Variants in MCM10 observed in about 807,000 individuals in gnomAD.
MCM10 encodes minichromosome maintenance 10 replication initiation factor, also known as protein MCM10 homolog.
A neutral mutation model predicts 109.9 loss-of-function variants in MCM10; 91 were observed. The ratio of observed to expected loss-of-function variants is 0.83; its 90% confidence interval spans 0.70 to 0.99. The LOEUF is 0.99. MCM10 is among the 50% of genes least tolerant of loss of function. The probability of loss-of-function intolerance (pLI) is 0.00; values close to 1 mark genes in which losing one functional copy is unlikely to be tolerated. For synonymous variants in MCM10, 380 were observed against 387.2 expected, an observed-to-expected ratio of 0.98 and a Z score of 0.22; for missense variants, 1,077 against 1,061.2, an observed-to-expected ratio of 1.01 and a Z score of -0.21.
In MCM10 at chr10:13,172,856, T is replaced by G; in HGVS notation, c.592+91T>G. 1 of 1,296,824 alleles carries G rather than the reference T, an allele frequency of 7.7e-7. No homozygotes were observed. Among genetic ancestry groups the G allele is most frequent in the Non-Finnish European group, 1.1e-6 (1 of 926,898 alleles). 80.3% of individuals were successfully genotyped at this position (1,296,824 alleles called of 1,614,324 possible). Reference sequence around the variant, plus strand: ...TGTGTGTGTGGGTGTCTGTGTCTTTTGGTCTGTCTTATGTCCCCATTGAGA... The same window carrying G: ...TGTGTGTGTGGGTGTCTGTGTCTTTGGGTCTGTCTTATGTCCCCATTGAGA... On this transcript the variant is annotated intron_variant, in intron 5 of 19. Transcript: ENST00000378714. The surrounding 1 kb of genome is among the most constrained non-coding windows in gnomAD (Gnocchi z 5.2).
At chr10:13,195,308 T>C (rs1399862274) in intron 14 of MCM10, 39 bp downstream of exon 14, 1 of 1,495,786 alleles carries the variant, frequency 6.7e-7, no homozygotes, top group Non-Finnish European at 9.1e-7. Context: ...TGAGTTTGCA[T>C]TCTGTAGAGC....
chr10:13,170,380 T>C (rs1463218558), intron 2 of MCM10, among the ~76,000 whole-genome samples: 1 of 152,066 alleles, frequency 6.6e-6, no homozygotes, highest in African/African-American at 2.4e-5. Flanking sequence ...TTTTTTTAAA[T>C]CTCAAATAAT....
chr10:13,205,245 CAT>C (rs1002669005), intron 18 of MCM10, among the ~76,000 whole-genome samples: 9 of 151,976 alleles, frequency 5.9e-5, no homozygotes, highest in African/African-American at 9.7e-5. Context: ...CTTGCATACA[CAT>C]GTTAGCTTCC....
rs1588473634 is a variant in MCM10, at chr10:13,189,029, A to T, written c.1364A>T (p.Gln455Leu). Reference sequence around the variant, plus strand: ...ACCAGCCTCAAAGAACGGCTGTGCCAAGATGGCTTTTACTACGGAGGGGTT... The same window carrying T: ...ACCAGCCTCAAAGAACGGCTGTGCCTAGATGGCTTTTACTACGGAGGGGTT... ...RGTSLKERLC[Q>L]DGFYYGGVSS... is the part of the protein sequence containing the mutation. The change falls in exon 10 of 20, where the codon CAA becomes CTA. Residue 455 changes from glutamine to leucine, a missense_variant. Physicochemically the swap from Gln to Leu is moderately radical, Grantham distance 113. Coordinates refer to ENST00000378714, the MANE Select transcript of MCM10 (RefSeq NM_018518.5). 4 of 1,614,152 alleles carry T rather than the reference A, an allele frequency of 2.5e-6. No homozygotes were observed. In the East Asian group the frequency reaches 8.9e-5, roughly 36 times the overall value.
intron 10 of MCM10, among the ~76,000 whole-genome samples, chr10:13,189,333 T>C (rs1452413336): frequency 6.6e-6 from 1 of 152,016 alleles, no homozygotes; most frequent in Non-Finnish European, 1.5e-5. Context: ...ACTTTTTTTT[T>C]TTTTTTTGAG....
intron 2 of MCM10, among the ~76,000 whole-genome samples, chr10:13,169,917 G>T (rs1834048514): frequency 6.6e-6 from 1 of 152,068 alleles, no homozygotes; most frequent in Admixed American, 6.5e-5. Context: ...TCTTGGCCAG[G>T]CTGGTCTTGA....
At chr10:13,190,866 G>A (rs748721133) in intron 10 of MCM10, among the ~76,000 whole-genome samples, 2 of 152,112 alleles carry the variant, frequency 1.3e-5, no homozygotes, top group Non-Finnish European at 1.5e-5. Flanking sequence ...TGGCTACATA[G>A]TGTTCTTTTG....
In MCM10 at chr10:13,201,474, A is replaced by G. The variant is rs1444314174; in HGVS notation, c.2292A>G (p.Gln764=). Residue 764 remains glutamine (Q), a synonymous_variant, in exon 17 of 20, where the codon CAA becomes CAG. Transcript: ENST00000378714. ...TTGAGCCACTGGTGAAAAAAGAACAAATGGAAGAAAAGATGAGAAACATCA... is the reference window on the plus strand; with the variant it reads ...TTGAGCCACTGGTGAAAAAAGAACAGATGGAAGAAAAGATGAGAAACATCA... ...RYFEPLVKKE[Q]MEEKMRNIRE... The G allele has an allele frequency of 1.9e-6, 3 of 1,613,352 alleles. No individual in the cohort carries two copies. The highest frequency in any genetic ancestry group is 8.5e-7 in the Non-Finnish European group (1 of 1,179,682).
At chr10:13,192,972 A>C (rs143165638) in intron 13 of MCM10, among the ~76,000 whole-genome samples, 2 of 151,558 alleles carry the variant, frequency 1.3e-5, no homozygotes, top group Non-Finnish European at 2.9e-5. Context: ...TGCAACCTCC[A>C]TGTCCCAGGC....
chr10:13,186,122 A>T, intron 8 of MCM10, 42 bp from the exon 9 acceptor site: 1 of 1,124,936 alleles, frequency 8.9e-7, no homozygotes, highest in Non-Finnish European at 1.3e-6. Flanking sequence ...AAAAGGCCAT[A>T]ATTTTGTCCG....
chr10:13,175,998 C>T (rs906914418), intron 6 of MCM10, among the ~76,000 whole-genome samples: 37 of 152,164 alleles, frequency 2.4e-4, no homozygotes, highest in Non-Finnish European at 4.4e-4. Flanking sequence ...AATTTTTCTC[C>T]ATCTCTATTG....
intron 18 of MCM10, among the ~76,000 whole-genome samples, chr10:13,206,695 TTTA>T (rs1834586010): frequency 6.6e-6 from 1 of 152,162 alleles, no homozygotes; most frequent in African/African-American, 2.4e-5. Context: ...AAAAATTCTG[TTTA>T]TTAAGTACAG....
Position 13,191,176 on chromosome 10 carries a change from T to A in MCM10, c.1416-123T>A, listed in dbSNP as rs191834974. 4.8e-3 allele frequency: 3,182 copies of A among 662,010 alleles called. 18 individuals carry two copies. Among genetic ancestry groups the A allele is most frequent in the Non-Finnish European group, 6.6e-3 (2,403 of 364,374 alleles). The allele number at this position is 662,010 out of a possible 1,614,324, so 41.0% of individuals were successfully genotyped here. A position where few individuals can be genotyped will look rare whatever the true frequency, so the allele number is the denominator to read the frequency against. ...GGCCGTAACATTAAGAAAGCCTACT[T>A]AGATGGTGTTTTGAGAAACTTTGAC... On this transcript the variant is annotated intron_variant, in intron 10 of 19. Coordinates refer to ENST00000378714, the MANE Select transcript of MCM10 (RefSeq NM_018518.5).
At chr10:13,171,464 C>T (rs190663328) in intron 3 of MCM10, among the ~76,000 whole-genome samples, 1 of 152,328 alleles carries the variant, frequency 6.6e-6, no homozygotes, top group East Asian at 1.9e-4. Context: ...TAGACTCTAT[C>T]AGTGTCAGCC....
intron 5 of MCM10, among the ~76,000 whole-genome samples, 180 bp from the exon 6 acceptor site, chr10:13,175,330 A>T (rs1249188482): frequency 6.6e-6 from 1 of 152,046 alleles, no homozygotes; most frequent in Admixed American, 6.6e-5. Context: ...CTACTCAGAA[A>T]TCGCTTAAAC....
At chr10:13,165,355 A>C (rs1456700860) in intron 2 of MCM10, among the ~76,000 whole-genome samples, 1 of 152,190 alleles carries the variant, frequency 6.6e-6, no homozygotes, top group East Asian at 1.9e-4. Context: ...CACAGAAAAT[A>C]AACCCTCAGA....
rs559398164 is a variant in MCM10, at chr10:13,206,940, G to C, written c.2499-2151G>C. 3.3e-5 allele frequency among the ~76,000 whole-genome samples: 5 copies of C among 152,208 alleles called. No homozygotes were observed. The East Asian group carries it at 9.7e-4, about 29-fold the overall frequency. On this transcript the variant is annotated intron_variant, in intron 18 of 19. Transcript: ENST00000378714. ...CTGCTTCTGCCTCCTGAGTAGCTGG[G>C]ACTACAGGTGTGCACCACTACACCC...
chr10:13,195,150 G>T lies in MCM10; in HGVS notation c.1855G>T (p.Ala619Ser). ...ATCCGAGTTCCCCAGGCTGGAGGGA[G>T]CCCCGGCCACAATGACGCCCAAGCT... ...TGSEFPRLEG[A>S]PATMTPKLGR... is the part of the protein sequence containing the mutation. Residue 619 changes from alanine (A) to serine (S), a missense_variant, in exon 14 of 20, where the codon GCC (alanine) becomes TCC (serine). Transcript: ENST00000378714. 1 of 1,614,140 alleles carries T rather than the reference G, an allele frequency of 6.2e-7. No individual in the cohort carries two copies. The highest frequency in any genetic ancestry group is 8.5e-7 in the Non-Finnish European group (1 of 1,180,026).
At position 13,172,650 on chromosome 10, in the gene MCM10, TA is replaced by T; in HGVS notation, c.479del (p.Lys160ArgfsTer47). 1.9e-6 allele frequency: 3 copies of T among 1,614,140 alleles called. No individual in the cohort carries two copies. Among genetic ancestry groups the T allele is most frequent in the Non-Finnish European group, 1.7e-6 (2 of 1,180,002 alleles). ...TAGAGAAGTCTCCCCGGCCACCTCT[TA>T]AGGAGAGGAGAGTTCAGAGAATTCA... ...SPEKSPRPPL[K>X]ERRVQRIQES... On this transcript the variant is annotated frameshift_variant, in exon 5 of 20. Coordinates refer to ENST00000378714, the MANE Select transcript of MCM10 (RefSeq NM_018518.5). LOFTEE classifies it high-confidence loss of function. The surrounding 1 kb of genome is among the most constrained non-coding windows in gnomAD (Gnocchi z 5.2).
Sources: allele counts gnomAD v4.1 joint callset (sites outside exome capture counted in the v4.1 genomes callset), GRCh38; gene constraint gnomAD v4.1.1; non-coding constraint Gnocchi (gnomAD v3.1); transcripts MANE v1.5; gene names NCBI Gene and HGNC (gene_info 2026-07-23, HGNC 2026-07-21).